PCDHGA5: variants seen among roughly 807,000 people sequenced by gnomAD.
PCDHGA5 encodes protocadherin gamma subfamily A, 5, also known as protocadherin gamma-A5.
PCDHGA5 carries 36 observed loss-of-function variants against 56.7 expected under a neutral mutation model. The observed-to-expected ratio is 0.64, with a 90% confidence interval of 0.49 to 0.84. The LOEUF is 0.84. PCDHGA5 is among the 40% of genes least tolerant of loss of function. The probability of loss-of-function intolerance (pLI) is 0.00; values close to 1 mark genes in which losing one functional copy is unlikely to be tolerated. For missense variants in PCDHGA5, 1,305 were observed against 1,201.5 expected (o/e 1.09, Z -1.27); for synonymous variants, 563 against 520.2 (o/e 1.08, Z -1.12).
Position 141,510,974 on chromosome 5 carries a change from G to T in PCDHGA5, c.2597G>T (p.Gly866Val). The T allele has an allele frequency of 6.2e-7, 1 of 1,614,150 alleles. No homozygotes were observed. The highest frequency in any genetic ancestry group is 1.1e-5 in the South Asian group (1 of 91,088). ...SEAADGSSTL[G>V]GGAGTMGLSA... ...GCTGCTGATGGGAGCTCCACCCTGG[G>T]AGGGGGTGCCGGCACCATGGGATTG... is the stretch of plus-strand genomic sequence containing the variant. The change falls in exon 4 of 4, where the codon GGA becomes GTA. Residue 866 changes from glycine (G) to valine (V), a missense_variant. Physicochemically the swap from Gly to Val is moderately radical, Grantham distance 109. Transcript: ENST00000518069.
At chr5:141,399,728 G>A in intron 1 of PCDHGA5, 1 of 1,613,276 alleles carries the variant, frequency 6.2e-7, no homozygotes, top group East Asian at 2.2e-5. Flanking sequence ...CGCGACCAGG[G>A]CTCGCCTGCG....
intron 1 of PCDHGA5, among the ~76,000 whole-genome samples, chr5:141,471,995 TG>T: frequency 6.6e-6 from 1 of 152,322 alleles, no homozygotes; most frequent in East Asian, 1.9e-4. Context: ...TAAAAATCCC[TG>T]CATCGTATAG....
chr5:141,436,840 C>T (rs1195342311), intron 1 of PCDHGA5, among the ~76,000 whole-genome samples: 1 of 152,220 alleles, frequency 6.6e-6, no homozygotes, highest in Admixed American at 6.5e-5. Flanking sequence ...TGCCTAGGCA[C>T]ATTCTTGATT....
chr5:141,483,289 A>G (rs1446467890), intron 1 of PCDHGA5, among the ~76,000 whole-genome samples: 3 of 152,194 alleles, frequency 2.0e-5, no homozygotes, highest in Admixed American at 2.0e-4. Flanking sequence ...TCTGTCAGTC[A>G]TAAGTGAAGG....
chr5:141,447,681 C>T (rs2098548531), intron 1 of PCDHGA5, among the ~76,000 whole-genome samples: 1 of 152,066 alleles, frequency 6.6e-6, no homozygotes, highest in African/African-American at 2.4e-5. Flanking sequence ...TGTTCCATAT[C>T]TTGATAGAGG....
intron 1 of PCDHGA5, chr5:141,413,694 C>T: frequency 6.2e-7 from 1 of 1,613,800 alleles, no homozygotes; most frequent in Non-Finnish European, 8.5e-7. Context: ...CCCTGCAGAG[C>T]TATCAGCTCA....
rs778564034 is a variant in PCDHGA5 at position 141,384,738 on chromosome 5, GC to G, written c.2421+17989del. ...CATACCTCCTGCTTAAGGCCAGCGA[GC>G]CAGGACTCTTTGCGGTTGGGCTGTA... On this transcript the variant is annotated intron_variant, in intron 1 of 3. Coordinates refer to ENST00000518069, the MANE Select transcript of PCDHGA5 (RefSeq NM_018918.3). 10 of 1,614,098 alleles carry G rather than the reference GC, an allele frequency of 6.2e-6. No individual in the cohort carries two copies. The East Asian group carries it at 2.2e-4, about 36-fold the overall frequency.
chr5:141,494,943 G>A, intron 2 of PCDHGA5, 78 bp downstream of exon 2: 2 of 1,610,326 alleles, frequency 1.2e-6, no homozygotes, highest in Non-Finnish European at 1.7e-6. Flanking sequence ...ATGGGGGAGG[G>A]CCCAGCATTT....
chr5:141,408,295 G>A (rs1185231517), intron 1 of PCDHGA5: 8 of 1,613,700 alleles, frequency 5.0e-6, no homozygotes, highest in East Asian at 2.2e-5. Flanking sequence ...CCCTGAGTGA[G>A]CCGATCCGCT....
chr5:141,418,058 C>A (rs2096216434), intron 1 of PCDHGA5: 1 of 1,613,872 alleles, frequency 6.2e-7, no homozygotes, highest in Non-Finnish European at 8.5e-7. Flanking sequence ...TCGCGAGCTG[C>A]GAGTGAGCGC....
chr5:141,370,872 C>T (rs201155008), intron 1 of PCDHGA5: 244 of 1,613,896 alleles, frequency 1.5e-4, no homozygotes, highest in Non-Finnish European at 1.9e-4. Flanking sequence ...TGCGCAAGAT[C>T]CTGATGTAGG....
rs756294828 is a variant in PCDHGA5, at chr5:141,417,904, G to A, written c.2421+51153G>A. 2.5e-6 allele frequency: 4 copies of A among 1,591,934 alleles called. No homozygotes were observed. The South Asian group carries it at 3.4e-5, about 13-fold the overall frequency. On this transcript the variant is annotated intron_variant, in intron 1 of 3. Transcript: ENST00000518069. Reference sequence around the variant, plus strand: ...AGAGGCGCCGGGCCGGCCCGCGGCAGGTACTATTTCCTTTGCTGCTGCCTT... The same window carrying A: ...AGAGGCGCCGGGCCGGCCCGCGGCAAGTACTATTTCCTTTGCTGCTGCCTT...
chr5:141,392,841 C>T (rs1464167244), intron 1 of PCDHGA5: 3 of 1,608,800 alleles, frequency 1.9e-6, no homozygotes, highest in Non-Finnish European at 8.5e-7. Flanking sequence ...TCGCCCCAGA[C>T]GCGGCGAGCT....
intron 2 of PCDHGA5, among the ~76,000 whole-genome samples, chr5:141,497,642 C>T (rs1426920174): frequency 1.3e-5 from 2 of 151,352 alleles, no homozygotes; most frequent in Middle Eastern, 3.4e-3. Context: ...CAGGTTCAAG[C>T]GATTCTCCTG....
intron 1 of PCDHGA5, chr5:141,422,008 C>T (rs767148055): frequency 1.2e-5 from 20 of 1,609,502 alleles, no homozygotes; most frequent in Admixed American, 5.1e-5. Context: ...CTCCGGAACT[C>T]GGGTGCTGAT....
chr5:141,426,797 C>A (rs1487716495), intron 1 of PCDHGA5: 1 of 456,706 alleles, frequency 2.2e-6, no homozygotes, highest in Non-Finnish European at 4.4e-6. Context: ...GTTACCAGCT[C>A]AGTTCTAATG....
chr5:141,394,177 C>T (rs2092934633), intron 1 of PCDHGA5: 1 of 1,613,912 alleles, frequency 6.2e-7, no homozygotes, highest in East Asian at 2.2e-5. Context: ...TTCCCTCATG[C>T]CTCCTACTCA....
At chr5:141,428,823 T>C (rs2097162740) in intron 1 of PCDHGA5, 1 of 152,274 alleles carries the variant, frequency 6.6e-6, no homozygotes, top group Non-Finnish European at 1.5e-5. Context: ...TTAGCTTTCA[T>C]GTATTTTTGA....
rs1314264090 is a variant in PCDHGA5, at chr5:141,490,459, C to T, written c.2422-4348C>T. 7 of 1,614,100 alleles carry T rather than the reference C, an allele frequency of 4.3e-6. No homozygotes were observed. Among genetic ancestry groups the T allele is most frequent in the Non-Finnish European group, 5.9e-6 (7 of 1,180,040 alleles). ...GCCTTCTGAGAACCACTACTCGCTG[C>T]TAACCAGCCAGCCTTTGGACCGGGA... On this transcript the variant is annotated intron_variant, in intron 1 of 3. Coordinates refer to ENST00000518069, the MANE Select transcript of PCDHGA5 (RefSeq NM_018918.3). The surrounding 1 kb of genome is among the most constrained non-coding windows in gnomAD (Gnocchi z 5.4).
Sources: allele counts gnomAD v4.1 joint callset (sites outside exome capture counted in the v4.1 genomes callset), GRCh38; gene constraint gnomAD v4.1.1; non-coding constraint Gnocchi (gnomAD v3.1); transcripts MANE v1.5; gene names NCBI Gene and HGNC (gene_info 2026-07-23, HGNC 2026-07-21).